BCKDHB: variants seen among roughly 807,000 people sequenced by gnomAD.
BCKDHB encodes the protein branched chain keto acid dehydrogenase E1 subunit beta.
Under a neutral mutation model 48.5 loss-of-function variants are expected in BCKDHB, and 41 were observed. The ratio of observed to expected loss-of-function variants is 0.85; its 90% confidence interval spans 0.66 to 1.10. BCKDHB has a LOEUF of 1.10. Among genes scored for constraint, BCKDHB ranks in the 50% least tolerant of loss-of-function variants. BCKDHB has a pLI of 0.00. For missense variants in BCKDHB, 496 were observed against 494.2 expected (o/e 1.00, Z -0.03); for synonymous variants, 201 against 174.8 (o/e 1.15, Z -1.18).
intron 8 of BCKDHB, among the ~76,000 whole-genome samples, chr6:80,269,502 G>A (rs1025347588): frequency 6.6e-6 from 1 of 151,898 alleles, no homozygotes; most frequent in Non-Finnish European, 1.5e-5. Flanking sequence ...TCTTCAATTG[G>A]CTTAGCTTTC....
chr6:80,167,589 C>T, intron 3 of BCKDHB, 89 bp from the exon 4 acceptor site: 1 of 1,311,584 alleles, frequency 7.6e-7, no homozygotes, highest in Non-Finnish European at 1.1e-6. Context: ...CTTCTCCATC[C>T]CATTATTAGT....
chr6:80,254,039 G>A (rs1050791923), intron 8 of BCKDHB, among the ~76,000 whole-genome samples: 2 of 151,822 alleles, frequency 1.3e-5, no homozygotes, highest in Non-Finnish European at 2.9e-5. Context: ...TGTTGTATCA[G>A]TATTAGTGTT....
In BCKDHB at chr6:80,169,003, AT is replaced by A. The variant is rs1210649507; in HGVS notation, c.612del (p.Phe204LeufsTer26). The A allele has an allele frequency of 6.2e-7, 1 of 1,614,074 alleles. No homozygotes were observed. On this transcript the variant is annotated frameshift_variant, in exon 5 of 10. Coordinates refer to ENST00000320393, the MANE Select transcript of BCKDHB (RefSeq NM_183050.4). LOFTEE classifies it high-confidence loss of function. ...ALYHSQSPEA[F>X]FAHCPGIKVV... is the part of the protein sequence containing the mutation. The stretch of plus-strand genomic sequence containing the variant: ...TCTATCATTCTCAGAGTCCTGAAGC[AT>A]TTTTTGCCCATTGCCCAGGAATCAA...
At chr6:80,142,363 T>C (rs1226081680) in intron 3 of BCKDHB, among the ~76,000 whole-genome samples, 2 of 152,116 alleles carry the variant, frequency 1.3e-5, no homozygotes, top group African/African-American at 4.8e-5. Context: ...CTATTATTGC[T>C]CAGGTTGAAT....
At chr6:80,318,012 T>C (rs147395364) in intron 9 of BCKDHB, among the ~76,000 whole-genome samples, 2 of 152,266 alleles carry the variant, frequency 1.3e-5, no homozygotes, top group African/African-American at 4.8e-5. Flanking sequence ...TCCTATAACT[T>C]TATCTCTGTG....
the BCKDHB span, among the ~76,000 whole-genome samples, chr6:80,360,306 C>A: frequency 6.6e-6 from 1 of 152,300 alleles, no homozygotes; most frequent in South Asian, 2.1e-4. Context: ...GAACATCAGC[C>A]TATGCCTCTA....
the BCKDHB span, among the ~76,000 whole-genome samples, chr6:80,443,928 A>T: frequency 6.6e-6 from 1 of 152,046 alleles, no homozygotes; most frequent in African/African-American, 2.4e-5. Context: ...CATCTAAGCC[A>T]AGACTTAGTT....
the BCKDHB span, among the ~76,000 whole-genome samples, chr6:80,465,559 G>C: frequency 0.088 from 13,465 of 152,208 alleles, 678 homozygotes; most frequent in Non-Finnish European, 0.11. Flanking sequence ...ATGAATGCTT[G>C]TATTAACTTA....
the BCKDHB span, among the ~76,000 whole-genome samples, chr6:80,407,082 A>G: frequency 4.5e-4 from 68 of 152,158 alleles, no homozygotes; most frequent in Non-Finnish European, 7.5e-4. Context: ...ATGGCTAGCC[A>G]GTTTTCCCAG....
intron 3 of BCKDHB, among the ~76,000 whole-genome samples, chr6:80,133,756 C>CCTCA (rs1770746384): frequency 6.6e-6 from 1 of 152,082 alleles, no homozygotes; most frequent in Non-Finnish European, 1.5e-5. Context: ...AATTCTCCTG[C>CCTCA]CTCAGCCTCC....
rs139567381 is a variant in BCKDHB, at chr6:80,181,612, A to G, written c.742+10222A>G. Among the ~76,000 whole-genome samples, 265 of 152,268 alleles carry G rather than the reference A, an allele frequency of 1.7e-3. 1 individual carries two copies. Among genetic ancestry groups the G allele is most frequent in the African/African-American group, 6.0e-3 (251 of 41,538 alleles). On this transcript the variant is annotated intron_variant, in intron 6 of 9. Coordinates refer to ENST00000320393, the MANE Select transcript of BCKDHB (RefSeq NM_183050.4). ...TGGGCTATTTCACCAGTTGTGGCTG[A>G]TAGGCTTTGGTCTATCTGTCCCTTT...
intron 1 of BCKDHB, chr6:80,127,175 C>T (rs1224885196): frequency 1.7e-5 from 5 of 287,998 alleles, no homozygotes; most frequent in Non-Finnish European, 2.7e-5. Context: ...TGGTCATGCA[C>T]ATTCCTTATG....
intron 3 of BCKDHB, among the ~76,000 whole-genome samples, chr6:80,134,165 C>T (rs1770770253): frequency 6.6e-6 from 1 of 151,996 alleles, no homozygotes; most frequent in African/African-American, 2.4e-5. Flanking sequence ...GTATATTTGG[C>T]CCACTTATTG....
rs1019724588 is a variant in BCKDHB at position 80,226,991 on chromosome 6, C to CT, written c.951+23786dup. On this transcript the variant is annotated intron_variant, in intron 8 of 9. Coordinates refer to ENST00000320393, the MANE Select transcript of BCKDHB (RefSeq NM_183050.4). ...TTCCACTTTGTAAAACTGAGACTTT[C>CT]TTTTTTTCTCTAGTCTTAAAAAAAA... Among the ~76,000 whole-genome samples the CT allele has an allele frequency of 4.6e-5, 7 of 151,998 alleles. No homozygotes were observed. The South Asian group carries it at 8.3e-4, about 18-fold the overall frequency.
chr6:80,307,879 A>G, intron 9 of BCKDHB: 1 of 973,300 alleles, frequency 1.0e-6, no homozygotes, highest in Non-Finnish European at 1.2e-6. Flanking sequence ...ACTTCAAATA[A>G]TTAAATTAAA....
At chr6:80,171,717 A>G (rs761078827) in intron 6 of BCKDHB, among the ~76,000 whole-genome samples, 1 of 152,112 alleles carries the variant, frequency 6.6e-6, no homozygotes, top group African/African-American at 2.4e-5. Flanking sequence ...ACTAAATAGT[A>G]TATGTTTCCT....
chr6:80,140,506 A>G (rs1006726792), intron 3 of BCKDHB, among the ~76,000 whole-genome samples: 8 of 152,142 alleles, frequency 5.3e-5, no homozygotes, highest in Non-Finnish European at 8.8e-5. Context: ...GTGAGTTTTT[A>G]GCATGAAGGG....
At chr6:80,173,716 T>C (rs973886609) in intron 6 of BCKDHB, among the ~76,000 whole-genome samples, 4 of 152,102 alleles carry the variant, frequency 2.6e-5, no homozygotes, top group African/African-American at 7.2e-5. Flanking sequence ...AGTTCTTATA[T>C]AGAGAGGATG....
intron 3 of BCKDHB, among the ~76,000 whole-genome samples, chr6:80,161,663 G>T (rs1051993431): frequency 6.6e-6 from 1 of 152,140 alleles, no homozygotes; most frequent in African/African-American, 2.4e-5. Context: ...CACATGGATG[G>T]TCTTTTCAAT....
Sources: gnomAD v4.1 joint callset for allele counts (sites outside exome capture counted in the v4.1 genomes callset) on GRCh38, gnomAD v4.1.1 for gene constraint, MANE v1.5 for transcripts, NCBI Gene and HGNC (gene_info 2026-07-23, HGNC 2026-07-21) for gene names.